The following PPP2R2C variants were observed in gnomAD, a reference collection of about 807,000 sequenced individuals.
PPP2R2C encodes protein phosphatase 2, regulatory subunit B, gamma.
In PPP2R2C, 10 loss-of-function variants were observed where a neutral mutation model predicts 45.3. That is an observed-to-expected ratio of 0.22 (90% confidence interval 0.14 to 0.37). The LOEUF (loss-of-function observed/expected upper bound fraction) is 0.37, where lower values mean the gene tolerates loss of function less well. Ranked by LOEUF, PPP2R2C falls within the 10% of genes least tolerant of loss-of-function variation. PPP2R2C has a pLI of 1.00. For missense variants in PPP2R2C, 308 were observed against 619.7 expected, an observed-to-expected ratio of 0.50 and a Z score of 5.34; for synonymous variants, 257 against 245.4, an observed-to-expected ratio of 1.05 and a Z score of -0.44.
chr4:6,523,733 G>A (rs1002275434), intron 2 of PPP2R2C, among the ~76,000 whole-genome samples: 7 of 152,164 alleles, frequency 4.6e-5, no homozygotes, highest in Non-Finnish European at 7.4e-5. Context: ...ACGGAACACT[G>A]AAAACACACA....
intron 1 of PPP2R2C, among the ~76,000 whole-genome samples, chr4:6,549,535 G>A (rs1248241628): frequency 2.0e-5 from 3 of 152,152 alleles, no homozygotes; most frequent in African/African-American, 4.8e-5. Flanking sequence ...TGCCTTCCTG[G>A]GCACGACCCT....
intron 1 of PPP2R2C, among the ~76,000 whole-genome samples, chr4:6,414,991 C>T (rs1331340830): frequency 2.6e-5 from 4 of 152,236 alleles, no homozygotes; most frequent in Admixed American, 2.6e-4. Flanking sequence ...CACAGAAGAG[C>T]ATCTCGCTCA....
intron 1 of PPP2R2C, among the ~76,000 whole-genome samples, chr4:6,456,030 C>T (rs931418717): frequency 2.0e-5 from 3 of 152,200 alleles, no homozygotes; most frequent in Admixed American, 6.5e-5. Flanking sequence ...CCTGAATCCC[C>T]CTACCCCACC....
At chr4:6,336,364 G>A (rs1325475786) in intron 6 of PPP2R2C, among the ~76,000 whole-genome samples, 2 of 152,064 alleles carry the variant, frequency 1.3e-5, no homozygotes, top group Non-Finnish European at 2.9e-5. Flanking sequence ...GGAAGGGTGA[G>A]GCCGCTCGCA....
chr4:6,343,382 A>G (rs1733597491), intron 6 of PPP2R2C, among the ~76,000 whole-genome samples: 1 of 152,264 alleles, frequency 6.6e-6, no homozygotes, highest in Non-Finnish European at 1.5e-5. Flanking sequence ...AAAATATTCT[A>G]GAAAAATTTT....
intron 1 of PPP2R2C, among the ~76,000 whole-genome samples, chr4:6,557,661 G>A (rs1305415594): frequency 1.3e-5 from 2 of 152,174 alleles, no homozygotes; most frequent in African/African-American, 4.8e-5. Flanking sequence ...GTGGAGATGG[G>A]CACAGCAGAG....
intron 1 of PPP2R2C, among the ~76,000 whole-genome samples, chr4:6,456,010 A>G (rs975453987): frequency 3.3e-5 from 5 of 152,086 alleles, no homozygotes; most frequent in Non-Finnish European, 5.9e-5. Flanking sequence ...GCTGCGCCCT[A>G]TTCCTTCTTC....
At chr4:6,554,409 A>G (rs1218593109) in intron 1 of PPP2R2C, among the ~76,000 whole-genome samples, 1 of 152,216 alleles carries the variant, frequency 6.6e-6, no homozygotes, top group Non-Finnish European at 1.5e-5. Flanking sequence ...TGACCCAGCT[A>G]TCGTCTTCGT....
Position 6,368,457 on chromosome 4 carries a change from G to A in PPP2R2C, c.625+4066C>T, listed in dbSNP as rs1295930526. 6.6e-6 allele frequency among the ~76,000 whole-genome samples: 1 copy of A among 152,208 alleles called. No individual in the cohort carries two copies. Among genetic ancestry groups the A allele is most frequent in the Non-Finnish European group, 1.5e-5 (1 of 68,044 alleles). Reference sequence around the variant, plus strand: ...CATCACCCAAGAGGGCTGGCACACAGTAGGTGCTTAATAAATACCTGCTGG... The same window carrying A: ...CATCACCCAAGAGGGCTGGCACACAATAGGTGCTTAATAAATACCTGCTGG... On this transcript the variant is annotated intron_variant, in intron 5 of 8. Transcript: ENST00000382599. The surrounding 1 kb of genome is among the most constrained non-coding windows in gnomAD (Gnocchi z 4.2).
chr4:6,379,323 G>C (rs1467449995), intron 2 of PPP2R2C, among the ~76,000 whole-genome samples: 4 of 152,204 alleles, frequency 2.6e-5, no homozygotes, highest in Non-Finnish European at 4.4e-5. Flanking sequence ...TCCCAGGAGA[G>C]AGTTCAACTC....
At chr4:6,478,042 T>C (rs1176452688) in intron 2 of PPP2R2C, among the ~76,000 whole-genome samples, 1 of 152,162 alleles carries the variant, frequency 6.6e-6, no homozygotes, top group Non-Finnish European at 1.5e-5. Context: ...TGGCCCCAAC[T>C]GCGTCTCCAG....
At chr4:6,335,526 G>T (rs184206759) in intron 6 of PPP2R2C, among the ~76,000 whole-genome samples, 245 of 152,280 alleles carry the variant, frequency 1.6e-3, no homozygotes, top group Non-Finnish European at 2.6e-3. Flanking sequence ...GGGCCACGGA[G>T]AGGGGTGAGG....
intron 1 of PPP2R2C, among the ~76,000 whole-genome samples, chr4:6,537,132 G>A (rs1432104236): frequency 6.6e-6 from 1 of 152,144 alleles, no homozygotes; most frequent in African/African-American, 2.4e-5. Context: ...GAACCCAGGA[G>A]GCGGAGGTCA....
chr4:6,423,815 G>T (rs1719121173), intron 1 of PPP2R2C, among the ~76,000 whole-genome samples: 1 of 152,192 alleles, frequency 6.6e-6, no homozygotes, highest in South Asian at 2.1e-4. Flanking sequence ...AGGCCAGAAA[G>T]GCAGGTCAGG....
chr4:6,517,200 A>G (rs1723852379), intron 2 of PPP2R2C, among the ~76,000 whole-genome samples: 1 of 152,126 alleles, frequency 6.6e-6, no homozygotes, highest in African/African-American at 2.4e-5. Context: ...GAGGGACAGG[A>G]CTGATCTTCC....
intron 1 of PPP2R2C, among the ~76,000 whole-genome samples, chr4:6,390,506 G>A (rs554775689): frequency 5.9e-5 from 9 of 152,316 alleles, no homozygotes; most frequent in East Asian, 3.9e-4. Flanking sequence ...CTGCAGCCAG[G>A]CCCCTCCCCA....
intron 6 of PPP2R2C, among the ~76,000 whole-genome samples, chr4:6,337,112 G>GTGTGTGTGTGTGTATATATATATATA (rs1202845732): frequency 3.3e-5 from 1 of 30,102 alleles, no homozygotes; most frequent in African/African-American, 1.0e-4. Context: ...ATGTGTGTGT[G>GTGTGTGTGTGTGTATATATATATATA]TATATATATA....
At chr4:6,456,123 G>A (rs753500196) in intron 1 of PPP2R2C, among the ~76,000 whole-genome samples, 71 of 152,186 alleles carry the variant, frequency 4.7e-4, no homozygotes, top group Non-Finnish European at 9.1e-4. Context: ...TACCTACATC[G>A]TGAAGTATTA....
exon 2 of PPP2R2C, chr4:6,535,303 G>A (rs757753779): frequency 4.4e-5 from 68 of 1,535,306 alleles, no homozygotes; most frequent in Non-Finnish European, 4.0e-5. Flanking sequence ...TGGCCTCAAC[G>A]TGTCCGCCTC....
Sources: allele counts gnomAD v4.1 joint callset (sites outside exome capture counted in the v4.1 genomes callset), GRCh38; gene constraint gnomAD v4.1.1; non-coding constraint Gnocchi (gnomAD v3.1); transcripts MANE v1.5; gene names NCBI Gene and HGNC (gene_info 2026-07-23, HGNC 2026-07-21).